MSH3: variants seen among roughly 807,000 people sequenced by gnomAD.
MSH3 encodes DNA mismatch repair protein Msh3.
A neutral mutation model predicts 123.3 loss-of-function variants in MSH3; 106 were observed. That is an observed-to-expected ratio of 0.86 (90% CI 0.73 to 1.01). The LOEUF is 1.01. Among genes scored for constraint, MSH3 ranks in the 50% least tolerant of loss-of-function variants. The pLI is 0.00. For synonymous variants in MSH3, 515 were observed against 481.4 expected (o/e 1.07, Z -0.91); for missense variants, 1,459 against 1,347.6 (o/e 1.08, Z -1.29).
intron 20 of MSH3, among the ~76,000 whole-genome samples, chr5:80,824,403 C>T (rs1233681348): frequency 1.3e-5 from 2 of 150,316 alleles, no homozygotes; most frequent in African/African-American, 4.9e-5. Flanking sequence ...GGCTGCCCCC[C>T]ACCTCCCTCC....
chr5:80,850,490 C>T (rs1002345794), intron 20 of MSH3, among the ~76,000 whole-genome samples: 1 of 152,164 alleles, frequency 6.6e-6, no homozygotes, highest in Admixed American at 6.5e-5. Flanking sequence ...GCTGGGGAGG[C>T]CTCACAATCA....
rs397942439 is a variant in MSH3 at position 80,658,037 on chromosome 5, C to CTTTT, written c.358+1516_358+1519dup. 1.0e-4 allele frequency among the ~76,000 whole-genome samples: 12 copies of CTTTT among 116,640 alleles called. 3 individuals carry two copies. Among genetic ancestry groups the CTTTT allele is most frequent in the Non-Finnish European group, 1.5e-4 (9 of 58,608 alleles). The allele number at this position is 116,640 out of a possible 152,430, so 76.5% of individuals were successfully genotyped here. On this transcript the variant is annotated intron_variant, in intron 2 of 23. Coordinates refer to ENST00000265081, the MANE Select transcript of MSH3 (RefSeq NM_002439.5). Reference sequence around the variant, plus strand: ...TTTTCCTAAGAATGCTTTTTGCCCTCTTTTTTTTTTTTTGAGATAGGGTCT... The same window carrying CTTTT: ...TTTTCCTAAGAATGCTTTTTGCCCTCTTTTTTTTTTTTTTTTTGAGATAGGGTCT...
rs1561486630 is a variant in MSH3, at chr5:80,813,591, C to T, written c.2663C>T (p.Ser888Leu). ...TTCCTTTCTAATTTTCAGGAGGACT[C>T]AGAGAGAGTAATGATAATTACCGGA... ...VPNNTDLSED[S>L]ERVMIITGPN... is the part of the protein sequence containing the mutation. Residue 888 changes from serine to leucine, a missense_variant, in exon 20 of 24, where the codon TCA (serine) becomes TTA (leucine). Transcript: ENST00000265081. 6.2e-7 allele frequency: 1 copy of T among 1,614,042 alleles called. No individual in the cohort carries two copies. The highest frequency in any genetic ancestry group is 8.5e-7 in the Non-Finnish European group (1 of 1,179,976).
rs986306763 is a variant in MSH3 at position 80,864,223 on chromosome 5, T to TA, written c.3001-583dup. Among the ~76,000 whole-genome samples the TA allele has an allele frequency of 7.2e-5, 11 of 152,168 alleles. No homozygotes were observed. The South Asian group carries it at 1.0e-3, about 14-fold the overall frequency. ...CCCTTAGGTAGGAATTTGGGTAAGATAAAAAAATCAGAGTTTAGTCCTCAC... is the reference window on the plus strand; with the variant it reads ...CCCTTAGGTAGGAATTTGGGTAAGATAAAAAAAATCAGAGTTTAGTCCTCAC... On this transcript the variant is annotated intron_variant, in intron 21 of 23. Transcript: ENST00000265081.
chr5:80,694,764 T>G (rs1235765738), intron 8 of MSH3, among the ~76,000 whole-genome samples: 1 of 152,094 alleles, frequency 6.6e-6, no homozygotes, highest in African/African-American at 2.4e-5. Context: ...GGTTGACAAT[T>G]ATTTTTTCAG....
intron 14 of MSH3, 151 bp from the exon 15 acceptor site, chr5:80,768,684 T>TA (rs1744165855): frequency 1.5e-6 from 1 of 656,828 alleles, no homozygotes; most frequent in Non-Finnish European, 2.6e-6. Context: ...TCAGAGAAGT[T>TA]AAAAAACAAA....
chr5:80,854,326 C>G lies in MSH3; in HGVS notation c.3000+10C>G, dbSNP rs371690056. 19 of 1,606,870 alleles carry G rather than the reference C, an allele frequency of 1.2e-5. No individual in the cohort carries two copies. Among genetic ancestry groups the G allele is most frequent in the Non-Finnish European group, 1.6e-5 (19 of 1,174,324 alleles). ...GTATTTCATCAGAGATGTAAGTATC[C>G]GGTAAACTGTATTTAAAAAGAAATT... On this transcript the variant is annotated intron_variant, in intron 21 of 23. Transcript: ENST00000265081.
At chr5:80,677,612 C>CA (rs1473659803) in intron 7 of MSH3, among the ~76,000 whole-genome samples, 1 of 152,178 alleles carries the variant, frequency 6.6e-6, no homozygotes, top group Non-Finnish European at 1.5e-5. Flanking sequence ...ACACTGCCTC[C>CA]AACCCATAAG....
intron 20 of MSH3, among the ~76,000 whole-genome samples, chr5:80,821,952 T>C (rs185252959): frequency 6.2e-4 from 95 of 152,350 alleles, no homozygotes; most frequent in African/African-American, 2.2e-3. Flanking sequence ...TCTTCTGCCG[T>C]TATCTGTGAA....
chr5:80,807,022 G>A (rs1342127108), intron 19 of MSH3, among the ~76,000 whole-genome samples: 3 of 151,660 alleles, frequency 2.0e-5, no homozygotes, highest in Admixed American at 6.6e-5. Context: ...GGGATGGGGA[G>A]ACCTCATCTC....
intron 8 of MSH3, among the ~76,000 whole-genome samples, chr5:80,709,639 GA>G (rs1336678030): frequency 6.6e-6 from 1 of 151,712 alleles, no homozygotes; most frequent in South Asian, 2.1e-4. Context: ...CTCAAAAAAA[GA>G]AAAAAAGAGT....
intron 21 of MSH3, among the ~76,000 whole-genome samples, chr5:80,860,486 C>T (rs1465877317): frequency 6.8e-6 from 1 of 146,698 alleles, no homozygotes; most frequent in Non-Finnish European, 1.5e-5. Flanking sequence ...TATTTTACTC[C>T]ACTCTTTTCT....
rs550330775 is a variant in MSH3, at chr5:80,762,796, TTATG to T, written c.1896+1120_1896+1123del. On this transcript the variant is annotated intron_variant, in intron 13 of 23. Transcript: ENST00000265081. Reference sequence around the variant, plus strand: ...TTTTAATTTTTTATTTTATTTTATGTTATGTTATGTTATGTTATGTTATGTTATG... The same window carrying T: ...TTTTAATTTTTTATTTTATTTTATGTTTATGTTATGTTATGTTATGTTATG... 9.1e-3 allele frequency among the ~76,000 whole-genome samples: 1,228 copies of T among 134,224 alleles called. 20 individuals are homozygous for T. Among genetic ancestry groups the T allele is most frequent in the African/African-American group, 0.031 (1,126 of 35,998 alleles). 88.1% of individuals were successfully genotyped at this position (134,224 alleles called of 152,430 possible). A position where few individuals can be genotyped will look rare whatever the true frequency, so the allele number is the denominator to read the frequency against.
intron 6 of MSH3, 123 bp from the exon 7 acceptor site, chr5:80,674,860 G>A (rs1303512870): frequency 1.2e-6 from 1 of 857,132 alleles, no homozygotes; most frequent in Non-Finnish European, 1.8e-6. Flanking sequence ...GATTACAGGT[G>A]TGAGCCACTG....
intron 15 of MSH3, among the ~76,000 whole-genome samples, chr5:80,771,111 C>G (rs2112886852): frequency 6.6e-6 from 1 of 152,264 alleles, no homozygotes; most frequent in African/African-American, 2.4e-5. Flanking sequence ...AAATTGCTTT[C>G]ATAGAACCTT....
chr5:80,670,822 G>C (rs777391359), intron 4 of MSH3, among the ~76,000 whole-genome samples: 6 of 152,120 alleles, frequency 3.9e-5, no homozygotes, highest in Non-Finnish European at 7.4e-5. Flanking sequence ...TGGTGTCTTA[G>C]TCTAAATTGG....
At chr5:80,869,246 C>A (rs1472923519) in intron 22 of MSH3, among the ~76,000 whole-genome samples, 1 of 152,204 alleles carries the variant, frequency 6.6e-6, no homozygotes, top group Non-Finnish European at 1.5e-5. Context: ...AAATATAAAT[C>A]TTGCTATGTT....
intron 8 of MSH3, among the ~76,000 whole-genome samples, chr5:80,692,012 T>C (rs1225578498): frequency 1.1e-5 from 1 of 90,220 alleles, no homozygotes; most frequent in African/African-American, 4.0e-5. Context: ...TAAACATGTA[T>C]ATGTTTAGAT....
intron 8 of MSH3, among the ~76,000 whole-genome samples, chr5:80,685,311 T>C (rs890648611): frequency 6.6e-6 from 1 of 151,658 alleles, no homozygotes; most frequent in South Asian, 2.1e-4. Context: ...GGCTTTTCTT[T>C]GCTGGGAGAC....
Sources: gnomAD v4.1 joint callset for allele counts (sites outside exome capture counted in the v4.1 genomes callset) on GRCh38, gnomAD v4.1.1 for gene constraint, MANE v1.5 for transcripts, NCBI Gene and HGNC (gene_info 2026-07-23, HGNC 2026-07-21) for gene names.